Variants in ARPP21 observed in about 807,000 individuals in gnomAD.
ARPP21 encodes cAMP regulated phosphoprotein 21.
In ARPP21, 69 loss-of-function variants were observed where a neutral mutation model predicts 113.2. The observed-to-expected ratio is 0.61, with a 90% CI of 0.50 to 0.74. The LOEUF (loss-of-function observed/expected upper bound fraction) is 0.74, where lower values mean the gene tolerates loss of function less well. ARPP21 is among the 30% of genes least tolerant of loss of function. The pLI is 0.00. For missense variants in ARPP21, 1,070 were observed against 1,037.4 expected (o/e 1.03, Z -0.43); for synonymous variants, 368 against 375.5 (o/e 0.98, Z 0.23).
Position 35,793,818 on chromosome 3 carries a change from A to G in ARPP21, c.2404A>G (p.Asn802Asp), listed in dbSNP as rs1322671177. ...LPATGMPVYC[N>D]VTPPTPQNNL... ...AGCCACTGGAATGCCTGTTTACTGTAATGTCACACCGCCCACCCCTCAGAA... is the reference window on the plus strand; with the variant it reads ...AGCCACTGGAATGCCTGTTTACTGTGATGTCACACCGCCCACCCCTCAGAA... Residue 802 changes from asparagine (N) to aspartate (D), a missense_variant, in exon 21 of 21, where the codon AAT (asparagine) becomes GAT (aspartate). Transcript: ENST00000684406. 1 of 1,614,020 alleles carries G rather than the reference A, an allele frequency of 6.2e-7. No homozygotes were observed. Among genetic ancestry groups the G allele is most frequent in the African/African-American group, 1.3e-5 (1 of 74,896 alleles).
chr3:35,680,587 G>A (rs1471282325), intron 2 of ARPP21, among the ~76,000 whole-genome samples: 3 of 151,870 alleles, frequency 2.0e-5, no homozygotes, highest in African/African-American at 7.2e-5. Flanking sequence ...TACTCCCAAA[G>A]AAACATATTA....
chr3:35,748,486 GGGAAGGAAGGAAGAAA>G (rs1377210095), intron 19 of ARPP21, among the ~76,000 whole-genome samples: 3 of 145,504 alleles, frequency 2.1e-5, no homozygotes, highest in African/African-American at 5.1e-5. Flanking sequence ...GAGAGAGGGA[GGGAAGGAAGGAAGAAA>G]GGAAGGAAGG....
intron 19 of ARPP21, among the ~76,000 whole-genome samples, chr3:35,767,372 T>C (rs2096016958): frequency 6.6e-6 from 1 of 152,198 alleles, no homozygotes; most frequent in African/African-American, 2.4e-5. Flanking sequence ...CTAACTTTTA[T>C]ACTGTTTCTG....
At chr3:35,653,862 T>G (rs1012248117) in intron 1 of ARPP21, among the ~76,000 whole-genome samples, 2 of 152,086 alleles carry the variant, frequency 1.3e-5, no homozygotes, top group Non-Finnish European at 2.9e-5. Context: ...TACTGTAAAG[T>G]TGTGGTTTGA....
chr3:35,746,823 G>A (rs2095085021), intron 19 of ARPP21, among the ~76,000 whole-genome samples: 1 of 152,156 alleles, frequency 6.6e-6, no homozygotes, highest in African/African-American at 2.4e-5. Flanking sequence ...TGAAATCTCT[G>A]TCAGTTACTA....
intron 19 of ARPP21, among the ~76,000 whole-genome samples, chr3:35,783,016 T>G (rs1421259453): frequency 6.6e-6 from 1 of 152,190 alleles, no homozygotes; most frequent in African/African-American, 2.4e-5. Context: ...TTGGCAGTTC[T>G]GCAACTGTGG....
intron 6 of ARPP21, 61 bp from the exon 7 acceptor site, chr3:35,689,246 C>T (rs747190600): frequency 6.8e-5 from 56 of 818,852 alleles, no homozygotes; most frequent in Non-Finnish European, 1.1e-4. Context: ...GTTGGGGAAA[C>T]CTTTTCTACC....
At position 35,669,667 on chromosome 3, in the gene ARPP21, C is replaced by A. The variant is rs201297542; in HGVS notation, c.-212-10120C>A. On this transcript the variant is annotated intron_variant, in intron 1 of 20. Coordinates refer to ENST00000684406, the MANE Select transcript of ARPP21 (RefSeq NM_001385562.1). ...TGCAAGGTTACACATTACAGACACC[C>A]AAGTGGGTGGGTTAACTTCACATCT... Among the ~76,000 whole-genome samples the A allele has an allele frequency of 2.6e-5, 4 of 152,232 alleles. No individual in the cohort carries two copies. In the East Asian group the frequency reaches 7.8e-4, roughly 30 times the overall value.
intron 15 of ARPP21, among the ~76,000 whole-genome samples, chr3:35,736,484 A>C (rs536126767): frequency 2.0e-5 from 3 of 152,338 alleles, no homozygotes; most frequent in Admixed American, 1.3e-4. Flanking sequence ...AGACAAAGCA[A>C]TACTATGACG....
chr3:35,785,502 C>T (rs1322126102), intron 19 of ARPP21, among the ~76,000 whole-genome samples: 1 of 136,898 alleles, frequency 7.3e-6, no homozygotes, highest in Non-Finnish European at 1.5e-5. Context: ...TCATGTTTGC[C>T]CTGATTTAAA....
intron 1 of ARPP21, chr3:35,640,850 C>T (rs1397118440): frequency 6.6e-6 from 1 of 152,186 alleles, no homozygotes; most frequent in Non-Finnish European, 1.5e-5. Context: ...ATCTGTGCTT[C>T]ATTGCAATCG....
At chr3:35,768,757 A>G (rs2096078469) in intron 19 of ARPP21, among the ~76,000 whole-genome samples, 1 of 152,192 alleles carries the variant, frequency 6.6e-6, no homozygotes, top group Non-Finnish European at 1.5e-5. Flanking sequence ...CTAAATCATT[A>G]CCATAATACA....
At chr3:35,731,521 A>T (rs1286638620) in intron 15 of ARPP21, among the ~76,000 whole-genome samples, 1 of 152,234 alleles carries the variant, frequency 6.6e-6, no homozygotes, top group Non-Finnish European at 1.5e-5. Context: ...AATGAGATGC[A>T]GGGTGAATTA....
chr3:35,758,191 G>A (rs6550368), intron 19 of ARPP21, among the ~76,000 whole-genome samples: 72,992 of 151,782 alleles, frequency 0.48, 19,863 homozygotes, highest in African/African-American at 0.75. Context: ...ACAAAGCAGT[G>A]TCTTGTAGAG....
intron 9 of ARPP21, among the ~76,000 whole-genome samples, chr3:35,701,464 G>A (rs1383170620): frequency 2.0e-5 from 3 of 151,646 alleles, no homozygotes; most frequent in African/African-American, 7.3e-5. Flanking sequence ...GTTAGGTGCT[G>A]TCGCCAACAC....
At chr3:35,698,738 C>A (rs2085058473) in intron 9 of ARPP21, among the ~76,000 whole-genome samples, 1 of 151,670 alleles carries the variant, frequency 6.6e-6, no homozygotes, top group Non-Finnish European at 1.5e-5. Flanking sequence ...AAACCAAGCA[C>A]TGTTCTTTAA....
At chr3:35,711,828 G>T (rs746264284) in intron 11 of ARPP21, among the ~76,000 whole-genome samples, 10 of 152,194 alleles carry the variant, frequency 6.6e-5, no homozygotes, top group Non-Finnish European at 7.3e-5. Flanking sequence ...TTCCCCTGAA[G>T]AAAGTGATTT....
At chr3:35,758,625 C>T (rs956493429) in intron 19 of ARPP21, among the ~76,000 whole-genome samples, 1 of 151,960 alleles carries the variant, frequency 6.6e-6, no homozygotes, top group Non-Finnish European at 1.5e-5. Context: ...AACTCCTTCC[C>T]CAGCACCCTT....
At chr3:35,683,868 T>G (rs1169302364) in intron 5 of ARPP21, 53 bp downstream of exon 5, 1 of 960,480 alleles carries the variant, frequency 1.0e-6, no homozygotes, top group South Asian at 1.3e-5. Context: ...CACCTTTGTG[T>G]GCATGACTCT....
Sources: gnomAD v4.1 joint callset for allele counts (sites outside exome capture counted in the v4.1 genomes callset) on GRCh38, gnomAD v4.1.1 for gene constraint, MANE v1.5 for transcripts, NCBI Gene and HGNC (gene_info 2026-07-23, HGNC 2026-07-21) for gene names.